Variants in PRKCE observed in about 807,000 individuals in gnomAD.
PRKCE encodes the protein protein kinase C epsilon type.
Under a neutral mutation model 85.4 loss-of-function variants are expected in PRKCE, and 16 were observed. The observed-to-expected ratio is 0.19, with a 90% CI of 0.13 to 0.28. PRKCE has a LOEUF of 0.28. PRKCE is among the 10% of genes least tolerant of loss of function. The pLI is 1.00. For missense variants in PRKCE, 573 were observed against 975.2 expected, an observed-to-expected ratio of 0.59 and a Z score of 5.49; for synonymous variants, 388 against 371.5, an observed-to-expected ratio of 1.04 and a Z score of -0.51.
At chr2:45,702,113 TG>T (rs1175949851) in intron 1 of PRKCE, among the ~76,000 whole-genome samples, 1 of 152,072 alleles carries the variant, frequency 6.6e-6, no homozygotes, top group East Asian at 1.9e-4. Context: ...CACTTGAACC[TG>T]GGAGGCAGAG....
At chr2:45,703,927 T>C (rs772611410) in intron 1 of PRKCE, among the ~76,000 whole-genome samples, 2 of 152,228 alleles carry the variant, frequency 1.3e-5, no homozygotes, top group Non-Finnish European at 2.9e-5. Flanking sequence ...ATGACAAATA[T>C]GTCTCCAAAT....
intron 10 of PRKCE, among the ~76,000 whole-genome samples, chr2:46,046,606 G>A (rs1048276355): frequency 9.8e-5 from 15 of 152,290 alleles, no homozygotes; most frequent in Admixed American, 2.6e-4. Context: ...ATTAAGACAC[G>A]TTAAGATGGC....
rs1170933914 is a variant in PRKCE, at chr2:46,085,736, GTTTTTT to G, written c.1438-465_1438-460del. Among the ~76,000 whole-genome samples the G allele has an allele frequency of 6.7e-5, 7 of 104,564 alleles. 2 individuals carry two copies. Among genetic ancestry groups the G allele is most frequent in the African/African-American group, 1.3e-4 (3 of 22,926 alleles). 68.6% of individuals were successfully genotyped at this position (104,564 alleles called of 152,430 possible). ...TCACTTAATTACATCTGCAAAATCC[GTTTTTT>G]TTTTTTGTTTTTGTTTTTTTTTTTT... On this transcript the variant is annotated intron_variant, in intron 10 of 14. Coordinates refer to ENST00000306156, the MANE Select transcript of PRKCE (RefSeq NM_005400.3).
chr2:46,034,858 G>A (rs1707759774), intron 10 of PRKCE, among the ~76,000 whole-genome samples: 2 of 152,260 alleles, frequency 1.3e-5, no homozygotes, highest in South Asian at 4.1e-4. Flanking sequence ...ATTACTGATG[G>A]TATGTTCTGA....
intron 1 of PRKCE, among the ~76,000 whole-genome samples, chr2:45,827,746 A>G (rs1690067430): frequency 6.6e-6 from 1 of 152,222 alleles, no homozygotes; most frequent in Non-Finnish European, 1.5e-5. Context: ...CATCTTGTTC[A>G]TTGTTTTGAT....
At chr2:45,747,737 G>A (rs1367723053) in intron 1 of PRKCE, among the ~76,000 whole-genome samples, 2 of 152,168 alleles carry the variant, frequency 1.3e-5, no homozygotes, top group East Asian at 3.8e-4. Flanking sequence ...GAATTGCTAG[G>A]TGATATAGTA....
intron 2 of PRKCE, among the ~76,000 whole-genome samples, chr2:45,932,889 T>C (rs150680419): frequency 1.3e-5 from 2 of 152,252 alleles, no homozygotes; most frequent in Non-Finnish European, 2.9e-5. Context: ...TATTTCTTTT[T>C]ATGACTGGCT....
At chr2:45,976,860 T>C (rs1340875855) in intron 3 of PRKCE, among the ~76,000 whole-genome samples, 36 of 11,868 alleles carry the variant, frequency 3.0e-3, no homozygotes, top group African/African-American at 5.7e-3. Context: ...ATTGTGACTG[T>C]GTGTGTGTGT....
In PRKCE at chr2:45,906,531, C is replaced by T. The variant is rs921916822; in HGVS notation, c.412+63468C>T. ...AATTCAAGGGCAGGGAAGAGGGGGA[C>T]GGGTTTCCAGTGTCTCCCCAAACAC... On this transcript the variant is annotated intron_variant, in intron 2 of 14. Coordinates refer to ENST00000306156, the MANE Select transcript of PRKCE (RefSeq NM_005400.3). Among the ~76,000 whole-genome samples the T allele has an allele frequency of 9.8e-5, 15 of 152,328 alleles. 1 individual carries two copies. In the South Asian group the frequency reaches 1.0e-3, roughly 11 times the overall value.
At chr2:45,971,758 A>G (rs1398266822) in intron 2 of PRKCE, among the ~76,000 whole-genome samples, 1 of 152,254 alleles carries the variant, frequency 6.6e-6, no homozygotes, top group Non-Finnish European at 1.5e-5. Context: ...ACGAATGACC[A>G]ATGTTAATGT....
At chr2:46,112,274 C>G (rs1574498913) in intron 11 of PRKCE, among the ~76,000 whole-genome samples, 1 of 152,112 alleles carries the variant, frequency 6.6e-6, no homozygotes, top group Non-Finnish European at 1.5e-5. Context: ...TTGAACCTGT[C>G]TGAGCCTTTA....
At chr2:46,059,435 A>T (rs1295137509) in intron 10 of PRKCE, among the ~76,000 whole-genome samples, 2 of 152,316 alleles carry the variant, frequency 1.3e-5, no homozygotes, top group East Asian at 3.9e-4. Context: ...TTAACCAGGG[A>T]TGATTCTTGT....
chr2:45,904,582 G>A (rs992560091), intron 2 of PRKCE, among the ~76,000 whole-genome samples: 2 of 152,182 alleles, frequency 1.3e-5, no homozygotes, highest in East Asian at 3.8e-4. Flanking sequence ...TTCTTCCCCT[G>A]CCAAGAAGCG....
chr2:45,953,808 G>A (rs1371048869), intron 2 of PRKCE, among the ~76,000 whole-genome samples: 1 of 152,166 alleles, frequency 6.6e-6, no homozygotes, highest in Non-Finnish European at 1.5e-5. Context: ...CACTCTCCAG[G>A]TGAGTTTAAC....
At chr2:45,961,717 C>T (rs1007670178) in intron 2 of PRKCE, among the ~76,000 whole-genome samples, 9 of 151,362 alleles carry the variant, frequency 5.9e-5, no homozygotes, top group African/African-American at 9.7e-5. Context: ...TTCTTTGAGA[C>T]GGAGTTTCAC....
intron 10 of PRKCE, among the ~76,000 whole-genome samples, chr2:46,064,987 C>A (rs1286817847): frequency 6.6e-6 from 1 of 152,204 alleles, no homozygotes; most frequent in Non-Finnish European, 1.5e-5. Context: ...AGAAATTTTT[C>A]ATGTTCTAGC....
chr2:45,765,876 C>T (rs1461437142), intron 1 of PRKCE, among the ~76,000 whole-genome samples: 2 of 152,198 alleles, frequency 1.3e-5, no homozygotes, highest in Non-Finnish European at 2.9e-5. Context: ...CCTCCTCCCA[C>T]TTCCAATCAA....
chr2:45,744,549 T>TTTCTTTCCTTCTTCCTTC (rs1558624254), intron 1 of PRKCE, among the ~76,000 whole-genome samples: 1 of 84,058 alleles, frequency 1.2e-5, no homozygotes, highest in African/African-American at 5.0e-5. Context: ...TTTCTTTCTT[T>TTTCTTTCCTTCTTCCTTC]CTTCCTTCCT....
intron 2 of PRKCE, among the ~76,000 whole-genome samples, chr2:45,859,808 A>G (rs1051306318): frequency 6.6e-6 from 1 of 152,106 alleles, no homozygotes; most frequent in African/African-American, 2.4e-5. Context: ...GCTTCCAAAT[A>G]TGTTTCTGCT....
Sources: gnomAD v4.1 joint callset for allele counts (sites outside exome capture counted in the v4.1 genomes callset) on GRCh38, gnomAD v4.1.1 for gene constraint, MANE v1.5 for transcripts, NCBI Gene and HGNC (gene_info 2026-07-23, HGNC 2026-07-21) for gene names.